AREL1: variants seen among roughly 807,000 people sequenced by gnomAD.
AREL1 encodes apoptosis resistant E3 ubiquitin protein ligase 1.
A neutral mutation model predicts 99.0 loss-of-function variants in AREL1; 62 were observed. That is an observed-to-expected ratio of 0.63 (90% CI 0.51 to 0.77). The LOEUF (loss-of-function observed/expected upper bound fraction) is 0.77, where lower values mean the gene tolerates loss of function less well. AREL1 is among the 30% of genes least tolerant of loss of function. AREL1 has a pLI of 0.00. For synonymous variants in AREL1, 380 were observed against 376.5 expected (o/e 1.01, Z -0.11); for missense variants, 879 against 1,027.6 (o/e 0.86, Z 1.98).
intron 8 of AREL1, among the ~76,000 whole-genome samples, chr14:74,674,744 T>A (rs1164895414): frequency 2.0e-5 from 3 of 152,170 alleles, no homozygotes; most frequent in Admixed American, 6.5e-5. Flanking sequence ...CTAGAAACAA[T>A]CAAAATCTCC....
chr14:74,684,080 T>C (rs2089694031), intron 4 of AREL1, among the ~76,000 whole-genome samples: 1 of 152,180 alleles, frequency 6.6e-6, no homozygotes, highest in South Asian at 2.1e-4. Flanking sequence ...TCAACTGTCA[T>C]AACTACTCAG....
At chr14:74,697,803 T>C (rs1468954222) in intron 1 of AREL1, among the ~76,000 whole-genome samples, 2 of 152,118 alleles carry the variant, frequency 1.3e-5, no homozygotes, top group Non-Finnish European at 2.9e-5. Flanking sequence ...CTCAGTTCCA[T>C]GACATACTAC....
intron 1 of AREL1, among the ~76,000 whole-genome samples, chr14:74,694,293 T>C (rs1405926577): frequency 6.6e-6 from 1 of 152,170 alleles, no homozygotes; most frequent in East Asian, 1.9e-4. Flanking sequence ...CAACAGACTA[T>C]ATACGTAAGC....
At chr14:74,712,135 C>A (rs969977236) in intron 1 of AREL1, 1 of 145,284 alleles carries the variant, frequency 6.9e-6, no homozygotes, top group Non-Finnish European at 1.5e-5. Flanking sequence ...TTTGGAATCA[C>A]GAGACTCAAA....
intron 2 of AREL1, among the ~76,000 whole-genome samples, chr14:74,688,625 G>A (rs1020543148): frequency 5.9e-5 from 9 of 152,126 alleles, no homozygotes; most frequent in African/African-American, 2.2e-4. Flanking sequence ...TGACCAGAGA[G>A]TTAGTTCTAT....
At chr14:74,673,972 A>T in intron 9 of AREL1, 62 bp downstream of exon 9, 1 of 1,405,284 alleles carries the variant, frequency 7.1e-7, no homozygotes. Flanking sequence ...AAAAAATAAA[A>T]GGCTGAGATA....
intron 8 of AREL1, 146 bp downstream of exon 8, chr14:74,675,553 T>A: frequency 8.6e-7 from 1 of 1,161,036 alleles, no homozygotes; most frequent in Non-Finnish European, 1.2e-6. Flanking sequence ...GCAAGAAATT[T>A]TTAACAGTTG....
intron 18 of AREL1, among the ~76,000 whole-genome samples, chr14:74,664,448 C>CTTTTT (rs56728679): frequency 2.0e-3 from 153 of 76,902 alleles, no homozygotes; most frequent in South Asian, 3.3e-3. Context: ...CTTTTCCTTT[C>CTTTTT]TTTTTTTTTT....
intron 1 of AREL1, among the ~76,000 whole-genome samples, chr14:74,707,953 G>A (rs1387505119): frequency 7.0e-6 from 1 of 143,652 alleles, no homozygotes; most frequent in Non-Finnish European, 1.5e-5. Flanking sequence ...TGAGACCTTC[G>A]CCTCAGAAAA....
intron 1 of AREL1, among the ~76,000 whole-genome samples, chr14:74,701,330 G>A (rs1401209522): frequency 6.6e-6 from 1 of 152,104 alleles, no homozygotes; most frequent in Non-Finnish European, 1.5e-5. Flanking sequence ...AATTTACAAA[G>A]AAAAAGAGGT....
In AREL1 at chr14:74,664,912, C is replaced by T; in HGVS notation, c.2117G>A (p.Gly706Glu). ...DENELELLMC[G>E]TGDISVSDFK... is the part of the protein sequence containing the mutation. ...GTCAGACACACTGATGTCTCCAGTC[C>T]CACACATCAGCAGCTGGAAAAAGAT... Residue 706 changes from glycine to glutamate, a missense_variant, in exon 18 of 20, where the codon GGG becomes GAG. Coordinates refer to ENST00000356357, the MANE Select transcript of AREL1 (RefSeq NM_001039479.2). 6.2e-7 allele frequency: 1 copy of T among 1,613,448 alleles called. No individual in the cohort carries two copies. The highest frequency in any genetic ancestry group is 8.5e-7 in the Non-Finnish European group (1 of 1,179,550).
At chr14:74,699,384 A>T (rs1424863477) in intron 1 of AREL1, among the ~76,000 whole-genome samples, 4 of 144,504 alleles carry the variant, frequency 2.8e-5, no homozygotes, top group East Asian at 4.0e-4. Flanking sequence ...TGTGAGAGAG[A>T]GAGAGAGAGA....
intron 15 of AREL1, among the ~76,000 whole-genome samples, chr14:74,668,078 C>G (rs2089247586): frequency 6.6e-6 from 1 of 152,222 alleles, no homozygotes; most frequent in Non-Finnish European, 1.5e-5. Flanking sequence ...CAGTTTGATA[C>G]TTGAAGATCC....
intron 1 of AREL1, among the ~76,000 whole-genome samples, chr14:74,708,879 T>C (rs2090231422): frequency 6.6e-6 from 1 of 152,188 alleles, no homozygotes; most frequent in Non-Finnish European, 1.5e-5. Context: ...ATAAACCCTA[T>C]CTTGTAGAAC....
In AREL1 at chr14:74,670,798, C is replaced by T; in HGVS notation, c.1572G>A (p.Gln524=). 1 of 1,614,106 alleles carries T rather than the reference C, an allele frequency of 6.2e-7. No homozygotes were observed. The highest frequency in any genetic ancestry group is 8.5e-7 in the Non-Finnish European group (1 of 1,179,974). The change falls in exon 13 of 20, where the codon CAG becomes CAA. Residue 524 remains glutamine (Q), a synonymous_variant. Coordinates refer to ENST00000356357, the MANE Select transcript of AREL1 (RefSeq NM_001039479.2). ...ICKALFDTTN[Q]LFTRFSDNNQ... Reference sequence around the variant, plus strand: ...TGTTGTCACTGAACCGGGTGAAGAGCTGATTGGTGGTATCAAATAGTGCTT... The same window carrying T: ...TGTTGTCACTGAACCGGGTGAAGAGTTGATTGGTGGTATCAAATAGTGCTT...
At position 74,661,718 on chromosome 14, in the gene AREL1, CA is replaced by C. The variant is rs2089082437; in HGVS notation, c.*2001del. The C allele has an allele frequency of 6.3e-6, 1 of 159,920 alleles. No individual in the cohort carries two copies. The highest frequency in any genetic ancestry group is 2.4e-5 in the African/African-American group (1 of 41,464). 9.9% of individuals were successfully genotyped at this position (159,920 alleles called of 1,614,324 possible). On this transcript the variant is annotated 3_prime_UTR_variant, in exon 20 of 20. Transcript: ENST00000356357. The stretch of plus-strand genomic sequence containing the variant: ...AATAGTGCCAAAGGGTTTTGTTTAA[CA>C]AAGACTGGTGCCTAAGGACCACCAC...
intron 5 of AREL1, among the ~76,000 whole-genome samples, chr14:74,677,483 G>C (rs1187519682): frequency 4.0e-5 from 6 of 150,748 alleles, no homozygotes; most frequent in African/African-American, 1.2e-4. Flanking sequence ...GTGACAAAGG[G>C]AGACCCTGTC....
intron 1 of AREL1, among the ~76,000 whole-genome samples, chr14:74,700,120 T>C (rs2090056066): frequency 6.6e-6 from 1 of 152,210 alleles, no homozygotes; most frequent in Admixed American, 6.5e-5. Context: ...TCCAAAATAA[T>C]GGATTTTCCA....
intron 17 of AREL1, among the ~76,000 whole-genome samples, chr14:74,665,410 C>T (rs2089193155): frequency 6.6e-6 from 1 of 151,880 alleles, no homozygotes. Context: ...TTCTGATGAA[C>T]ACCCTAAGAA....
Sources: allele counts gnomAD v4.1 joint callset (sites outside exome capture counted in the v4.1 genomes callset), GRCh38; gene constraint gnomAD v4.1.1; transcripts MANE v1.5; gene names NCBI Gene and HGNC (gene_info 2026-07-23, HGNC 2026-07-21).